The following DPP10 variants were observed in gnomAD, a reference collection of about 807,000 sequenced individuals.
DPP10 encodes inactive dipeptidyl peptidase 10.
A neutral mutation model predicts 120.9 loss-of-function variants in DPP10; 33 were observed. The observed-to-expected ratio is 0.27, with a 90% CI of 0.21 to 0.37. DPP10 has a LOEUF of 0.37. DPP10 is among the 10% of genes least tolerant of loss of function. DPP10 has a pLI of 1.00. For synonymous variants in DPP10, 337 were observed against 326.1 expected (o/e 1.03, Z -0.36); for missense variants, 816 against 942.8 (o/e 0.87, Z 1.76).
At chr2:114,893,208 G>A (rs1574431567) in intron 1 of DPP10, among the ~76,000 whole-genome samples, 1 of 152,082 alleles carries the variant, frequency 6.6e-6, no homozygotes, top group Non-Finnish European at 1.5e-5. Context: ...CAATCTTACA[G>A]TACACTAATG....
At chr2:115,367,240 A>G (rs2065133906) in intron 3 of DPP10, among the ~76,000 whole-genome samples, 1 of 151,702 alleles carries the variant, frequency 6.6e-6, no homozygotes, top group Non-Finnish European at 1.5e-5. Flanking sequence ...GGTTTTGATT[A>G]TGTTTGTTTG....
intron 1 of DPP10, among the ~76,000 whole-genome samples, chr2:114,752,774 C>G (rs1194613503): frequency 1.3e-5 from 2 of 152,196 alleles, no homozygotes; most frequent in East Asian, 3.8e-4. Flanking sequence ...GAATGACACC[C>G]CTGTTTTACT....
chr2:114,457,686 T>A (rs1678655721), intron 1 of DPP10, among the ~76,000 whole-genome samples: 1 of 152,178 alleles, frequency 6.6e-6, no homozygotes, highest in African/African-American at 2.4e-5. Context: ...ACCCCTGGGA[T>A]AACATTCTAT....
At chr2:115,732,987 A>G (rs1171566553) in intron 8 of DPP10, among the ~76,000 whole-genome samples, 1 of 152,186 alleles carries the variant, frequency 6.6e-6, no homozygotes, top group African/African-American at 2.4e-5. Context: ...AAATATAAAT[A>G]TAAATAGGAT....
chr2:115,330,249 T>A (rs528848762), intron 2 of DPP10, among the ~76,000 whole-genome samples: 68 of 152,344 alleles, frequency 4.5e-4, no homozygotes, highest in African/African-American at 1.5e-3. Context: ...TTGAGAAGTG[T>A]CTGTTCATAT....
chr2:114,590,328 T>C (rs1691356511), intron 1 of DPP10, among the ~76,000 whole-genome samples: 1 of 152,178 alleles, frequency 6.6e-6, no homozygotes, highest in Admixed American at 6.5e-5. Context: ...GTTAACACTA[T>C]GCTAACAAGT....
intron 1 of DPP10, among the ~76,000 whole-genome samples, chr2:114,852,655 A>C (rs923103230): frequency 1.3e-5 from 2 of 152,124 alleles, no homozygotes; most frequent in African/African-American, 4.8e-5. Context: ...CCAATCCTCT[A>C]TGGATATCGT....
At chr2:115,445,535 G>A (rs188413906) in intron 3 of DPP10, among the ~76,000 whole-genome samples, 13 of 152,258 alleles carry the variant, frequency 8.5e-5, no homozygotes, top group African/African-American at 2.2e-4. Flanking sequence ...CTGGGGCAGA[G>A]GTCACTCTTG....
intron 5 of DPP10, among the ~76,000 whole-genome samples, chr2:115,610,633 C>T (rs954817716): frequency 3.3e-5 from 5 of 152,146 alleles, no homozygotes; most frequent in Non-Finnish European, 7.4e-5. Flanking sequence ...AATGAAACTA[C>T]AGGTCTGGGA....
At position 114,669,364 on chromosome 2, in the gene DPP10, A is replaced by G. The variant is rs1378236189; in HGVS notation, c.60+226526A>G. On this transcript the variant is annotated intron_variant, in intron 1 of 25. Transcript: ENST00000410059. ...AGGTGTATGTGTGATTGTTCAGCCT[A>G]CAGTAGTCAGTGTACATGTATGTTT... 3.3e-5 allele frequency among the ~76,000 whole-genome samples: 5 copies of G among 152,158 alleles called. No homozygotes were observed. The South Asian group carries it at 6.2e-4, about 19-fold the overall frequency.
chr2:115,309,162 G>T, intron 1 of DPP10, 77 bp from the exon 2 acceptor site: 2 of 1,081,320 alleles, frequency 1.8e-6, no homozygotes, highest in Non-Finnish European at 2.8e-6. Context: ...ATTGTGCCAT[G>T]CACTGAATCA....
chr2:115,362,440 G>A (rs1157315065), intron 3 of DPP10, among the ~76,000 whole-genome samples: 1 of 152,022 alleles, frequency 6.6e-6, no homozygotes, highest in Non-Finnish European at 1.5e-5. Flanking sequence ...GAGATAAATT[G>A]AATCTATACT....
intron 1 of DPP10, among the ~76,000 whole-genome samples, chr2:115,185,664 T>G (rs1037141797): frequency 2.6e-5 from 4 of 152,166 alleles, no homozygotes; most frequent in Non-Finnish European, 5.9e-5. Context: ...GGATAATGAT[T>G]AAAATAATCC....
At chr2:114,866,612 T>A (rs533937949) in intron 1 of DPP10, among the ~76,000 whole-genome samples, 1 of 152,348 alleles carries the variant, frequency 6.6e-6, no homozygotes, top group Non-Finnish European at 1.5e-5. Context: ...TCAAGGCAGC[T>A]GAGGTTTAGA....
chr2:115,193,944 T>C (rs754186939), intron 1 of DPP10, among the ~76,000 whole-genome samples: 10 of 152,192 alleles, frequency 6.6e-5, no homozygotes, highest in Non-Finnish European at 1.3e-4. Context: ...TGCTCTCTCT[T>C]ACGATTTGGA....
At chr2:114,525,736 C>T (rs1444108711) in intron 1 of DPP10, among the ~76,000 whole-genome samples, 1 of 152,164 alleles carries the variant, frequency 6.6e-6, no homozygotes, top group East Asian at 1.9e-4. Context: ...ATGACTAAAC[C>T]ATTTCTTGGG....
chr2:115,558,284 G>A (rs1426376611), intron 5 of DPP10, among the ~76,000 whole-genome samples: 1 of 152,148 alleles, frequency 6.6e-6, no homozygotes, highest in Non-Finnish European at 1.5e-5. Flanking sequence ...ATGTGCCATA[G>A]TGTATGAAAT....
intron 3 of DPP10, among the ~76,000 whole-genome samples, chr2:115,489,715 A>G (rs1043654665): frequency 6.6e-6 from 1 of 151,964 alleles, no homozygotes; most frequent in Non-Finnish European, 1.5e-5. Flanking sequence ...ACCCCAAAAT[A>G]TATTTTTTGT....
At chr2:114,818,779 G>A (rs945672998) in intron 1 of DPP10, among the ~76,000 whole-genome samples, 1 of 152,134 alleles carries the variant, frequency 6.6e-6, no homozygotes, top group Non-Finnish European at 1.5e-5. Context: ...TTGTCTAGAG[G>A]ATGTATGCCA....
Sources: gnomAD v4.1 joint callset for allele counts (sites outside exome capture counted in the v4.1 genomes callset) on GRCh38, gnomAD v4.1.1 for gene constraint, MANE v1.5 for transcripts, NCBI Gene and HGNC (gene_info 2026-07-23, HGNC 2026-07-21) for gene names.